The following RERE variants were observed in gnomAD, a reference collection of about 807,000 sequenced individuals.
RERE encodes the protein arginine-glutamic acid dipeptide repeats.
Under a neutral mutation model 146.1 loss-of-function variants are expected in RERE, and 40 were observed. The observed-to-expected ratio is 0.27, with a 90% CI of 0.21 to 0.36. The LOEUF is 0.36. Among genes scored for constraint, RERE ranks in the 10% least tolerant of loss-of-function variants. The probability of loss-of-function intolerance (pLI) is 1.00; values close to 1 mark genes in which losing one functional copy is unlikely to be tolerated. For missense variants in RERE, 1,933 were observed against 2,138.7 expected (o/e 0.90, Z 1.90); for synonymous variants, 1,003 against 866.0 (o/e 1.16, Z -2.78).
intron 4 of RERE, among the ~76,000 whole-genome samples, chr1:8,577,208 A>C (rs1454900898): frequency 6.6e-6 from 1 of 151,870 alleles, no homozygotes; most frequent in African/African-American, 2.4e-5. Context: ...TGACTTTTGA[A>C]TTTTTTTGTT....
intron 4 of RERE, among the ~76,000 whole-genome samples, chr1:8,583,908 C>T (rs1426547189): frequency 1.3e-5 from 2 of 151,816 alleles, no homozygotes; most frequent in African/African-American, 4.8e-5. Flanking sequence ...TATAATGTTA[C>T]TATTTTAAAA....
At chr1:8,512,775 A>T (rs908771556) in intron 7 of RERE, 1 of 152,160 alleles carries the variant, frequency 6.6e-6, no homozygotes, top group African/African-American at 2.4e-5. Context: ...AAGCCATCTC[A>T]AAATGAGTGG....
intron 12 of RERE, among the ~76,000 whole-genome samples, chr1:8,385,638 A>C (rs1642611572): frequency 6.6e-6 from 1 of 152,064 alleles, no homozygotes; most frequent in Non-Finnish European, 1.5e-5. Context: ...CTGTGGCCTC[A>C]GAACGCCTGA....
rs1396774533 is a variant in RERE at position 8,605,766 on chromosome 1, AAAAAAC to A, written c.522+8789_522+8794del. Among the ~76,000 whole-genome samples, 25 of 128,576 alleles carry A rather than the reference AAAAAAC, an allele frequency of 1.9e-4. 1 individual carries two copies. Among genetic ancestry groups the A allele is most frequent in the African/African-American group, 7.5e-4 (25 of 33,364 alleles). The allele number at this position is 128,576 out of a possible 152,430, so 84.4% of individuals were successfully genotyped here. On this transcript the variant is annotated intron_variant, in intron 4 of 22. Coordinates refer to ENST00000400908, the MANE Select transcript of RERE (RefSeq NM_001042681.2). ...TCTCCAAAAAAAAAAAAAAAAAAAA[AAAAAAC>A]CCCTAAAAAAAGTGATAATAGATTA...
chr1:8,597,632 G>A (rs1426881496), intron 4 of RERE, among the ~76,000 whole-genome samples: 3 of 152,188 alleles, frequency 2.0e-5, no homozygotes, highest in Non-Finnish European at 4.4e-5. Flanking sequence ...GTCATGGGGA[G>A]GGAAGAATGT....
At chr1:8,487,254 C>G (rs1570320819) in intron 10 of RERE, among the ~76,000 whole-genome samples, 1 of 151,906 alleles carries the variant, frequency 6.6e-6, no homozygotes, top group Admixed American at 6.6e-5. Flanking sequence ...ACTCAACAAC[C>G]TGGATATATA....
chr1:8,705,542 CAT>C (rs1473623570), intron 1 of RERE, among the ~76,000 whole-genome samples: 1 of 152,184 alleles, frequency 6.6e-6, no homozygotes, highest in African/African-American at 2.4e-5. Flanking sequence ...TATAAGTTCT[CAT>C]AGAACTGTGT....
intron 7 of RERE, among the ~76,000 whole-genome samples, chr1:8,530,934 A>G (rs1048479779): frequency 1.4e-5 from 2 of 145,724 alleles, no homozygotes; most frequent in African/African-American, 2.6e-5. Context: ...CTCATGATCC[A>G]CCCGCCTCGG....
At chr1:8,694,029 CAAAAAAAAAA>C (rs144018056) in intron 1 of RERE, among the ~76,000 whole-genome samples, 1 of 120,566 alleles carries the variant, frequency 8.3e-6, no homozygotes, top group Non-Finnish European at 1.7e-5. Context: ...TTTTCTTTCC[CAAAAAAAAAA>C]AAAAAAAAGG....
rs543138931 is a variant in RERE, at chr1:8,517,334, G to C, written c.831-8659C>G. Among the ~76,000 whole-genome samples the C allele has an allele frequency of 2.4e-4, 37 of 152,194 alleles. 1 individual carries two copies. Among genetic ancestry groups the C allele is most frequent in the South Asian group, 1.9e-3 (9 of 4,816 alleles). Reference sequence around the variant, plus strand: ...AGCTGAACCAGTAACTGAAGAAAGAGGGCCACAGCTTATTAGCAATGAGAT... The same window carrying C: ...AGCTGAACCAGTAACTGAAGAAAGACGGCCACAGCTTATTAGCAATGAGAT... On this transcript the variant is annotated intron_variant, in intron 7 of 22. Coordinates refer to ENST00000400908, the MANE Select transcript of RERE (RefSeq NM_001042681.2).
rs1358805665 is a variant in RERE at position 8,369,535 on chromosome 1, A to AG, written c.1285-3562_1285-3561insC. ...AAAAAAAAAAAAAAAAAAAAAAAAA[A>AG]AAGAAGAAAAGAAAATGACCAGGCA... On this transcript the variant is annotated intron_variant, in intron 12 of 22. Transcript: ENST00000400908. Among the ~76,000 whole-genome samples, 71 of 138,416 alleles carry AG rather than the reference A, an allele frequency of 5.1e-4. 2 individuals are homozygous for AG. The highest frequency in any genetic ancestry group is 7.8e-4 in the Admixed American group (10 of 12,750). The allele number at this position is 138,416 out of a possible 152,430, so 90.8% of individuals were successfully genotyped here. A position where few individuals can be genotyped will look rare whatever the true frequency, so the allele number is the denominator to read the frequency against.
intron 1 of RERE, among the ~76,000 whole-genome samples, chr1:8,778,948 A>T (rs1279979001): frequency 1.3e-5 from 2 of 152,124 alleles, no homozygotes; most frequent in Non-Finnish European, 2.9e-5. Context: ...CTTGGGTTCA[A>T]GCAATTCTCC....
At chr1:8,506,408 C>A (rs899721905) in intron 8 of RERE, among the ~76,000 whole-genome samples, 1 of 152,218 alleles carries the variant, frequency 6.6e-6, no homozygotes, top group Non-Finnish European at 1.5e-5. Context: ...GTGTTCACTT[C>A]ACTTCATAAC....
chr1:8,623,776 T>A (rs1324683534), intron 3 of RERE, among the ~76,000 whole-genome samples: 1 of 152,162 alleles, frequency 6.6e-6, no homozygotes. Flanking sequence ...CTGCAACACA[T>A]GCACTAAAAC....
chr1:8,484,469 A>T lies in RERE; in HGVS notation c.1104+10594T>A, dbSNP rs1644873480. Reference sequence around the variant, plus strand: ...GAGATGGAGTCTCGCTCTGTCGCCCAGGCTGGAGTGCAGTAGCGCCATCTC... The same window carrying T: ...GAGATGGAGTCTCGCTCTGTCGCCCTGGCTGGAGTGCAGTAGCGCCATCTC... On this transcript the variant is annotated intron_variant, in intron 10 of 22. Transcript: ENST00000400908. 2.0e-5 allele frequency among the ~76,000 whole-genome samples: 3 copies of T among 149,334 alleles called. No individual in the cohort carries two copies. The South Asian group carries it at 6.3e-4, about 31-fold the overall frequency.
At chr1:8,774,940 C>CTTCT (rs1287166388) in intron 1 of RERE, among the ~76,000 whole-genome samples, 42 of 77,736 alleles carry the variant, frequency 5.4e-4, no homozygotes, top group African/African-American at 1.5e-3. Context: ...AGTAGCATTT[C>CTTCT]TTCTTTCTTT....
chr1:8,686,306 C>T (rs942095487), intron 1 of RERE, among the ~76,000 whole-genome samples: 29 of 152,102 alleles, frequency 1.9e-4, no homozygotes, highest in Admixed American at 1.9e-3. Context: ...TTTTTAAAGC[C>T]ATGCATCCTA....
At chr1:8,369,897 C>T (rs1173851708) in intron 12 of RERE, among the ~76,000 whole-genome samples, 2 of 152,168 alleles carry the variant, frequency 1.3e-5, no homozygotes, top group African/African-American at 2.4e-5. Context: ...TCACGCCATT[C>T]TCCTGCCTCG....
At chr1:8,355,626 A>C (rs1426993841) in intron 21 of RERE, 27 bp from the exon 22 acceptor site, 1 of 1,547,174 alleles carries the variant, frequency 6.5e-7, no homozygotes, top group Non-Finnish European at 8.7e-7. Context: ...AACCTGCGCT[A>C]CAGAAATAGC....
Sources: allele counts gnomAD v4.1 joint callset (sites outside exome capture counted in the v4.1 genomes callset), GRCh38; gene constraint gnomAD v4.1.1; transcripts MANE v1.5; gene names NCBI Gene and HGNC (gene_info 2026-07-23, HGNC 2026-07-21).